The following SHQ1 variants were observed in gnomAD, a reference collection of about 807,000 sequenced individuals.
SHQ1 encodes SHQ1, H/ACA ribonucleoprotein assembly factor.
Under a neutral mutation model 53.8 loss-of-function variants are expected in SHQ1, and 49 were observed. That is an observed-to-expected ratio of 0.91 (90% CI 0.72 to 1.16). SHQ1 has a LOEUF of 1.16. SHQ1 is among the 50% of genes most tolerant of loss of function. The pLI is 0.00. For synonymous variants in SHQ1, 243 were observed against 251.0 expected (o/e 0.97, Z 0.30); for missense variants, 738 against 683.1 (o/e 1.08, Z -0.90).
At chr3:72,741,776 T>C in the SHQ1 span, among the ~76,000 whole-genome samples, 1 of 152,034 alleles carries the variant, frequency 6.6e-6, no homozygotes, top group Non-Finnish European at 1.5e-5. Context: ...CATCCATGAC[T>C]TCAACCAACC....
At chr3:72,757,663 G>A (rs1371268629) in intron 10 of SHQ1, among the ~76,000 whole-genome samples, 1 of 152,218 alleles carries the variant, frequency 6.6e-6, no homozygotes, top group African/African-American at 2.4e-5. Context: ...ACAGGATCAT[G>A]TCCTTTGTAG....
chr3:72,769,189 C>A (rs1023861362), intron 10 of SHQ1, among the ~76,000 whole-genome samples: 3 of 152,196 alleles, frequency 2.0e-5, no homozygotes, highest in African/African-American at 7.2e-5. Context: ...ATAATGGAGA[C>A]AGCTGGCCCC....
In SHQ1 at chr3:72,766,197, T is replaced by C. The variant is rs145796028; in HGVS notation, c.1182-15361A>G. ...TCCTGTTTTCAGCTATTCCACCTCT[T>C]CTCAGCTTGAACCTCCAGTCTATCA... On this transcript the variant is annotated intron_variant, in intron 10 of 10. Coordinates refer to ENST00000325599, the MANE Select transcript of SHQ1 (RefSeq NM_018130.3). 5.0e-3 allele frequency among the ~76,000 whole-genome samples: 765 copies of C among 152,214 alleles called. 7 individuals are homozygous for C. The highest frequency in any genetic ancestry group is 0.016 in the African/African-American group (673 of 41,530).
intron 10 of SHQ1, among the ~76,000 whole-genome samples, chr3:72,784,001 T>C (rs1230970268): frequency 6.6e-6 from 1 of 152,114 alleles, no homozygotes; most frequent in Non-Finnish European, 1.5e-5. Context: ...TCAATATTCG[T>C]TCATTAATTG....
downstream of SHQ1, among the ~76,000 whole-genome samples, chr3:72,748,062 A>T (rs1029882679): frequency 7.9e-5 from 12 of 151,780 alleles, 1 homozygote; most frequent in Admixed American, 7.9e-4. Flanking sequence ...TGTGAGTTCA[A>T]TCAGCCAGGC....
chr3:72,741,260 C>G, the SHQ1 span, among the ~76,000 whole-genome samples: 1 of 152,120 alleles, frequency 6.6e-6, no homozygotes, highest in African/African-American at 2.4e-5. Flanking sequence ...TGCCCAAAGT[C>G]CCTTCCATTG....
chr3:72,796,164 T>C (rs1302641437), intron 9 of SHQ1, among the ~76,000 whole-genome samples: 3 of 150,944 alleles, frequency 2.0e-5, no homozygotes, highest in Admixed American at 6.6e-5. Flanking sequence ...AGAAAACCAT[T>C]TGGCTAGAGC....
chr3:72,735,750 A>AAGGCAGGC, the SHQ1 span, among the ~76,000 whole-genome samples: 57 of 122,632 alleles, frequency 4.6e-4, no homozygotes, highest in African/African-American at 1.8e-3. Flanking sequence ...GGAAGGAAGG[A>AAGGCAGGC]AGGCAGGCAG....
chr3:72,742,113 C>T, the SHQ1 span, among the ~76,000 whole-genome samples: 1 of 151,460 alleles, frequency 6.6e-6, no homozygotes, highest in Non-Finnish European at 1.5e-5. Flanking sequence ...GTCCCAGCTA[C>T]TCGGGAGACT....
intron 10 of SHQ1, among the ~76,000 whole-genome samples, chr3:72,751,508 G>GTGTGTGTGTGTGTCTATATATATATATA (rs1210782182): frequency 8.5e-6 from 1 of 116,984 alleles, no homozygotes; most frequent in Admixed American, 8.1e-5. Context: ...GTGTGTGTGT[G>GTGTGTGTGTGTGTCTATATATATATATA]TATATATATA....
At chr3:72,828,177 A>C (rs1208770501) in intron 5 of SHQ1, among the ~76,000 whole-genome samples, 1 of 152,224 alleles carries the variant, frequency 6.6e-6, no homozygotes, top group Admixed American at 6.5e-5. Context: ...CAATTTAAGG[A>C]GAACCATGTA....
the SHQ1 span, among the ~76,000 whole-genome samples, chr3:72,727,448 T>C: frequency 3.3e-5 from 5 of 152,204 alleles, no homozygotes; most frequent in Admixed American, 6.5e-5. Context: ...GATTTCCTTA[T>C]TGGCTTCTAA....
chr3:72,738,221 G>C, the SHQ1 span, among the ~76,000 whole-genome samples: 2 of 152,254 alleles, frequency 1.3e-5, no homozygotes, highest in African/African-American at 4.8e-5. Context: ...GCCCAACCTG[G>C]GAAAAGCCTG....
chr3:72,840,988 T>G lies in SHQ1; in HGVS notation c.486+57A>C, dbSNP rs542810972. 296 of 1,544,298 alleles carry G rather than the reference T, an allele frequency of 1.9e-4. 1 individual carries two copies. In the South Asian group the frequency reaches 3.4e-3, roughly 18 times the overall value. ...TACCAAGTGTAAGCATAACTGAAAT[T>G]AAAATATCCAAATGGAAAAACCCTA... On this transcript the variant is annotated intron_variant, in intron 4 of 10. Coordinates refer to ENST00000325599, the MANE Select transcript of SHQ1 (RefSeq NM_018130.3).
chr3:72,737,456 G>C, the SHQ1 span, among the ~76,000 whole-genome samples: 1 of 152,058 alleles, frequency 6.6e-6, no homozygotes, highest in Non-Finnish European at 1.5e-5. Context: ...TAGGATAAGA[G>C]AGTAAGAGAA....
chr3:72,823,574 T>C (rs935925369), intron 6 of SHQ1, among the ~76,000 whole-genome samples: 2 of 152,158 alleles, frequency 1.3e-5, no homozygotes, highest in East Asian at 1.9e-4. Context: ...CCGGATACTA[T>C]GTAATCATGA....
chr3:72,823,102 T>C (rs1488022742), intron 6 of SHQ1, among the ~76,000 whole-genome samples: 3 of 149,422 alleles, frequency 2.0e-5, no homozygotes, highest in East Asian at 1.9e-4. Context: ...TAAGCCGACA[T>C]TGTGCCACTG....
At chr3:72,799,643 T>C (rs1706726480) in intron 9 of SHQ1, among the ~76,000 whole-genome samples, 1 of 152,228 alleles carries the variant, frequency 6.6e-6, no homozygotes, top group Non-Finnish European at 1.5e-5. Context: ...CTTCAATTTT[T>C]GACTTATATT....
intron 10 of SHQ1, among the ~76,000 whole-genome samples, chr3:72,751,529 T>TATATATATATATAC (rs1491584090): frequency 1.6e-4 from 22 of 138,020 alleles, no homozygotes; most frequent in Non-Finnish European, 2.6e-4. Context: ...TATATATATA[T>TATATATATATATAC]ACATATACAT....
Sources: gnomAD v4.1 joint callset for allele counts (sites outside exome capture counted in the v4.1 genomes callset) on GRCh38, gnomAD v4.1.1 for gene constraint, MANE v1.5 for transcripts, NCBI Gene and HGNC (gene_info 2026-07-23, HGNC 2026-07-21) for gene names.